LPGAT1: variants seen among roughly 807,000 people sequenced by gnomAD.
The protein encoded by LPGAT1 is acyl-CoA:lysophosphatidylglycerol acyltransferase 1.
In LPGAT1, 11 loss-of-function variants were observed where a neutral mutation model predicts 47.5. The observed-to-expected ratio is 0.23, with a 90% CI of 0.15 to 0.38. The LOEUF is 0.38. LPGAT1 is among the 10% of genes least tolerant of loss of function. The probability of loss-of-function intolerance (pLI) is 1.00; values close to 1 mark genes in which losing one functional copy is unlikely to be tolerated. For synonymous variants in LPGAT1, 138 were observed against 144.2 expected, an observed-to-expected ratio of 0.96 and a Z score of 0.31; for missense variants, 293 against 439.0, an observed-to-expected ratio of 0.67 and a Z score of 2.97.
rs951370904 is a variant in LPGAT1 at position 211,743,653 on chromosome 1, C to G, written c.*6246G>C. On this transcript the variant is annotated 3_prime_UTR_variant, in exon 8 of 8. Transcript: ENST00000366997. ...AAATTAAAAACAATGGCTTTCCCCCCGCCAACTCATGAGGAATAGGGCTGG... is the reference window on the plus strand; with the variant it reads ...AAATTAAAAACAATGGCTTTCCCCCGGCCAACTCATGAGGAATAGGGCTGG... The G allele has an allele frequency of 2.6e-5, 4 of 152,168 alleles. No homozygotes were observed. Among genetic ancestry groups the G allele is most frequent in the Non-Finnish European group, 5.9e-5 (4 of 68,024 alleles). 9.4% of individuals were successfully genotyped at this position (152,168 alleles called of 1,614,324 possible).
At chr1:211,775,863 G>A (rs1236493220) in intron 6 of LPGAT1, among the ~76,000 whole-genome samples, 16 of 151,112 alleles carry the variant, frequency 1.1e-4, no homozygotes, top group African/African-American at 3.4e-4. Flanking sequence ...CCTGGGAGGC[G>A]GAGGTTACGG....
intron 2 of LPGAT1, among the ~76,000 whole-genome samples, chr1:211,793,870 T>G (rs1473630805): frequency 2.0e-5 from 3 of 152,170 alleles, no homozygotes; most frequent in Non-Finnish European, 4.4e-5. Flanking sequence ...GACAAGAAAA[T>G]TATGATGTAA....
intron 2 of LPGAT1, among the ~76,000 whole-genome samples, chr1:211,806,118 T>A (rs988143840): frequency 6.6e-6 from 1 of 151,814 alleles, no homozygotes; most frequent in East Asian, 1.9e-4. Context: ...AAATTAGCCA[T>A]GTGTGGTGGC....
chr1:211,760,384 G>A (rs947283554), intron 6 of LPGAT1, among the ~76,000 whole-genome samples: 5 of 152,360 alleles, frequency 3.3e-5, no homozygotes, highest in Admixed American at 2.0e-4. Flanking sequence ...GAACCTGGGA[G>A]GCAGAGGTTG....
chr1:211,817,570 CAAA>C (rs528517027), intron 2 of LPGAT1, among the ~76,000 whole-genome samples: 2 of 107,866 alleles, frequency 1.9e-5, no homozygotes. Flanking sequence ...GGCTCCATCT[CAAA>C]AAAAAAAAAA....
At chr1:211,751,914 A>G (rs1657203720) in intron 6 of LPGAT1, among the ~76,000 whole-genome samples, 7 of 152,080 alleles carry the variant, frequency 4.6e-5, no homozygotes, top group Admixed American at 4.6e-4. Flanking sequence ...CTTGGTATTT[A>G]TCACCATGTT....
chr1:211,763,659 A>C (rs1657795509), intron 6 of LPGAT1, among the ~76,000 whole-genome samples: 1 of 152,230 alleles, frequency 6.6e-6, no homozygotes, highest in African/African-American at 2.4e-5. Context: ...TGATGGCCCT[A>C]TACTTTCCTC....
At chr1:211,783,701 C>G (rs1478859593) in intron 4 of LPGAT1, among the ~76,000 whole-genome samples, 199 bp from the exon 5 acceptor site, 1 of 152,134 alleles carries the variant, frequency 6.6e-6, no homozygotes, top group Non-Finnish European at 1.5e-5. Context: ...ATAAATAAAC[C>G]TTTCTTTCTG....
intron 2 of LPGAT1, 37 bp from the exon 3 acceptor site, chr1:211,793,227 A>C (rs1435036864): frequency 4.4e-6 from 6 of 1,365,492 alleles, no homozygotes; most frequent in Non-Finnish European, 4.2e-6. Flanking sequence ...TGTCATTTTA[A>C]AGATTTTTAT....
intron 5 of LPGAT1, among the ~76,000 whole-genome samples, chr1:211,782,187 T>A (rs1033719053): frequency 1.3e-5 from 2 of 152,194 alleles, no homozygotes; most frequent in Admixed American, 1.3e-4. Flanking sequence ...TCCATAAACA[T>A]CATTTGTAAC....
At chr1:211,807,049 T>C (rs1433245748) in intron 2 of LPGAT1, among the ~76,000 whole-genome samples, 5 of 152,140 alleles carry the variant, frequency 3.3e-5, no homozygotes, top group African/African-American at 1.2e-4. Flanking sequence ...AAAACGCCTA[T>C]TCCCAATAAG....
intron 4 of LPGAT1, among the ~76,000 whole-genome samples, chr1:211,784,357 T>C (rs944164175): frequency 6.6e-5 from 10 of 151,976 alleles, no homozygotes; most frequent in African/African-American, 2.4e-4. Flanking sequence ...CTGGGTGCGA[T>C]GGCACATTTA....
At chr1:211,783,119 T>C in intron 5 of LPGAT1, 110 bp downstream of exon 5, 2 of 1,015,932 alleles carry the variant, frequency 2.0e-6, no homozygotes, top group Non-Finnish European at 1.4e-6. Context: ...ATCTTCTCCC[T>C]ATTATTTTTA....
intron 2 of LPGAT1, chr1:211,793,402 ATTAT>A (rs10597980): frequency 0.61 from 89,857 of 148,128 alleles, 27,802 homozygotes; most frequent in East Asian, 0.7. Flanking sequence ...TAAAATTATC[ATTAT>A]TTATTTATTT....
chr1:211,756,486 C>A (rs1366802885), intron 6 of LPGAT1, among the ~76,000 whole-genome samples: 1 of 152,102 alleles, frequency 6.6e-6, no homozygotes, highest in Admixed American at 6.5e-5. Context: ...CATCATCATG[C>A]CCAGCTAATT....
chr1:211,779,866 A>G (rs1207274943), intron 5 of LPGAT1, among the ~76,000 whole-genome samples: 1 of 146,650 alleles, frequency 6.8e-6, no homozygotes. Context: ...ATAAATAAAT[A>G]AATAAATAAA....
intron 2 of LPGAT1, 97 bp from the exon 3 acceptor site, chr1:211,793,287 T>A (rs755998470): frequency 2.9e-6 from 2 of 696,626 alleles, no homozygotes. Context: ...AATGATGATA[T>A]GTCACCTAGC....
intron 5 of LPGAT1, among the ~76,000 whole-genome samples, chr1:211,780,471 T>C (rs906953254): frequency 3.3e-5 from 5 of 152,148 alleles, no homozygotes; most frequent in Admixed American, 2.6e-4. Flanking sequence ...TTATTTGAAG[T>C]ATGTAAGAAA....
chr1:211,783,243 T>C lies in LPGAT1; in HGVS notation c.713A>G (p.Asp238Gly). Residue 238 changes from aspartate to glycine, a missense_variant, in exon 5 of 8, where the codon GAT becomes GGT. By Grantham distance (94) the Asp-to-Gly change is moderately conservative. Coordinates refer to ENST00000366997, the MANE Select transcript of LPGAT1 (RefSeq NM_014873.3). ...AACCATCATACCTAATTCTTTAGCA[T>C]CTCCTCCTGCTGGACTTCCATTTTT... ...QQKNGSPAGG[D>G]AKELDSKSKG... is the part of the protein sequence containing the mutation. 6.2e-7 allele frequency: 1 copy of C among 1,610,898 alleles called. No homozygotes were observed. The highest frequency in any genetic ancestry group is 8.5e-7 in the Non-Finnish European group (1 of 1,177,402).
Sources: gnomAD v4.1 joint callset for allele counts (sites outside exome capture counted in the v4.1 genomes callset) on GRCh38, gnomAD v4.1.1 for gene constraint, MANE v1.5 for transcripts, NCBI Gene and HGNC (gene_info 2026-07-23, HGNC 2026-07-21) for gene names.